The following IGSF3 variants were observed in gnomAD, a reference collection of about 807,000 sequenced individuals.
IGSF3 encodes the protein immunoglobulin superfamily member 3, also known as glu-Trp-Ile EWI motif-containing protein 3.
Under a neutral mutation model 114.4 loss-of-function variants are expected in IGSF3, and 23 were observed. That is an observed-to-expected ratio of 0.20 (90% confidence interval 0.14 to 0.28). The LOEUF is 0.28. Ranked by LOEUF, IGSF3 falls within the 10% of genes least tolerant of loss-of-function variation. The probability of loss-of-function intolerance (pLI) is 1.00; values close to 1 mark genes in which losing one functional copy is unlikely to be tolerated. For missense variants in IGSF3, 1,172 were observed against 1,591.5 expected (o/e 0.74, Z 4.48); for synonymous variants, 571 against 645.2 (o/e 0.88, Z 1.74).
In IGSF3 at chr1:116,579,913, G is replaced by C. The variant is rs779215267; in HGVS notation, c.2849-36C>G. ...ACAAGGGACAAACAGGGAAGGGGTT[G>C]TTTAAATTTATTTGCTCAAAATAAA... is the stretch of plus-strand genomic sequence containing the variant. On this transcript the variant is annotated intron_variant, in intron 9 of 10. Coordinates refer to ENST00000369486, the MANE Select transcript of IGSF3 (RefSeq NM_001007237.3). This position sits in a 1 kb window ranked among gnomAD's most constrained non-coding sequence, Gnocchi z 6.4. 2 of 1,538,526 alleles carry C rather than the reference G, an allele frequency of 1.3e-6. No individual in the cohort carries two copies. Among genetic ancestry groups the C allele is most frequent in the African/African-American group, 2.8e-5 (2 of 72,438 alleles).
rs1355614242 is a variant in IGSF3 at position 116,598,915 on chromosome 1, A to G, written c.2029+1026T>C. ...GCCTGATGAAGGCGAGAGTGTTTGC[A>G]GAAAGCCCCACTGACTAATGCTCCC... On this transcript the variant is annotated intron_variant, in intron 7 of 10. Coordinates refer to ENST00000369486, the MANE Select transcript of IGSF3 (RefSeq NM_001007237.3). The surrounding 1 kb of genome is among the most constrained non-coding windows in gnomAD (Gnocchi z 4.3). Among the ~76,000 whole-genome samples the G allele has an allele frequency of 6.6e-6, 1 of 152,210 alleles. No homozygotes were observed. Among genetic ancestry groups the G allele is most frequent in the African/African-American group, 2.4e-5 (1 of 41,448 alleles).
Position 116,616,499 on chromosome 1 carries a change from T to C in IGSF3, c.44-42A>G, listed in dbSNP as rs4044850. ...CACACACAACATGCTTACTTACTTC[T>C]CAGACCAAAATGCAAAGTAGCCAGC... is the stretch of plus-strand genomic sequence containing the variant. On this transcript the variant is annotated intron_variant, in intron 2 of 10. Coordinates refer to ENST00000369486, the MANE Select transcript of IGSF3 (RefSeq NM_001007237.3). The surrounding 1 kb of genome is among the most constrained non-coding windows in gnomAD (Gnocchi z 6.6). 6.5e-7 allele frequency: 1 copy of C among 1,540,400 alleles called. No individual in the cohort carries two copies. The highest frequency in any genetic ancestry group is 1.3e-5 in the South Asian group (1 of 79,772).
rs1260397150 is a variant in IGSF3, at chr1:116,581,826, C to T, written c.2849-1949G>A. Among the ~76,000 whole-genome samples, 4 of 152,312 alleles carry T rather than the reference C, an allele frequency of 2.6e-5. No homozygotes were observed. The East Asian group carries it at 7.7e-4, about 29-fold the overall frequency. ...AACTCACTCAACTCCTCAGTTGTAA[C>T]TCCAAGGCCATTAGAGAGCCCTACT... is the stretch of plus-strand genomic sequence containing the variant. On this transcript the variant is annotated intron_variant, in intron 9 of 10. Transcript: ENST00000369486.
rs543092042 is a variant in IGSF3 at position 116,651,469 on chromosome 1, A to G, written c.43+14815T>C. On this transcript the variant is annotated intron_variant, in intron 2 of 10. Coordinates refer to ENST00000369486, the MANE Select transcript of IGSF3 (RefSeq NM_001007237.3). This position sits in a 1 kb window ranked among gnomAD's most constrained non-coding sequence, Gnocchi z 4.4. ...GATATCCAGTCCCACAGTCTATATC[A>G]CAGATCACCAGTTTTAGCTGTTTGA... is the stretch of plus-strand genomic sequence containing the variant. Among the ~76,000 whole-genome samples the G allele has an allele frequency of 1.3e-5, 2 of 152,356 alleles. No homozygotes were observed. The highest frequency in any genetic ancestry group is 2.1e-4 in the South Asian group (1 of 4,828).
At chr1:116,666,995 G>C in intron 1 of IGSF3, 39 bp from the exon 2 acceptor site, 2 of 399,450 alleles carry the variant, frequency 5.0e-6, no homozygotes, top group Non-Finnish European at 8.8e-6. Context: ...CAAAGGCAAA[G>C]CTGCAAAACC....
chr1:116,581,879 T>G (rs1659616562), intron 9 of IGSF3, among the ~76,000 whole-genome samples: 1 of 152,160 alleles, frequency 6.6e-6, no homozygotes, highest in African/African-American at 2.4e-5. Flanking sequence ...CCCCACCCCA[T>G]GCTTTTCTCC....
intron 2 of IGSF3, among the ~76,000 whole-genome samples, chr1:116,659,179 T>A (rs1649007989): frequency 6.6e-6 from 1 of 152,118 alleles, no homozygotes; most frequent in South Asian, 2.1e-4. Flanking sequence ...GCGGAAGACA[T>A]ACAGACTGGG....
At position 116,594,702 on chromosome 1, in the gene IGSF3, C is replaced by T. The variant is rs1276996592; in HGVS notation, c.2029+5239G>A. ...CATATGCCCACCCTCACCCCATGCT[C>T]CCATGTACAAAAGGGACTTCTTGAT... On this transcript the variant is annotated intron_variant, in intron 7 of 10. Transcript: ENST00000369486. The surrounding 1 kb of genome is among the most constrained non-coding windows in gnomAD (Gnocchi z 5.2). 6.6e-6 allele frequency among the ~76,000 whole-genome samples: 1 copy of T among 152,132 alleles called. No homozygotes were observed. The highest frequency in any genetic ancestry group is 1.9e-4 in the East Asian group (1 of 5,186).
rs1377252317 is a variant in IGSF3, at chr1:116,577,358, C to A, written c.3539G>T (p.Cys1180Phe). Residue 1180 changes from cysteine (C) to phenylalanine (F), a missense_variant, in exon 11 of 11, where the codon TGC (cysteine) becomes TTC (phenylalanine). This residue lies in a region of IGSF3 where 423 missense variants were observed against 509.8 expected (regional missense o/e 0.83). Transcript: ENST00000369486. The surrounding 1 kb of genome is among the most constrained non-coding windows in gnomAD (Gnocchi z 5.7). Reference protein sequence around the residue: ...KEPHLNYSPTCLEPPVLSIHP... With the variant: ...KEPHLNYSPTFLEPPVLSIHP... ...GATACTGAGAACAGGGGGCTCCAGG[C>A]AAGTAGGGGAGTAGTTGAGGTGTGG... is the stretch of plus-strand genomic sequence containing the variant. 6 of 1,613,970 alleles carry A rather than the reference C, an allele frequency of 3.7e-6. No individual in the cohort carries two copies. The Admixed American group carries it at 5.0e-5, about 13-fold the overall frequency.
At chr1:116,611,772 C>T (rs185762350) in intron 4 of IGSF3, among the ~76,000 whole-genome samples, 218 of 152,128 alleles carry the variant, frequency 1.4e-3, no homozygotes, top group African/African-American at 5.1e-3. Flanking sequence ...TTCCTATTTC[C>T]GGTATTCCCA....
At chr1:116,604,640 A>G (rs1660723633) in intron 5 of IGSF3, among the ~76,000 whole-genome samples, 1 of 152,206 alleles carries the variant, frequency 6.6e-6, no homozygotes, top group Admixed American at 6.5e-5. Context: ...TCATTCTTTC[A>G]TTAACACACA....
At position 116,610,051 on chromosome 1, in the gene IGSF3, G is replaced by A. The variant is rs1490426769; in HGVS notation, c.833-1720C>T. Among the ~76,000 whole-genome samples, 2 of 152,154 alleles carry A rather than the reference G, an allele frequency of 1.3e-5. No individual in the cohort carries two copies. Among genetic ancestry groups the A allele is most frequent in the African/African-American group, 4.8e-5 (2 of 41,420 alleles). On this transcript the variant is annotated intron_variant, in intron 4 of 10. Transcript: ENST00000369486. The surrounding 1 kb of genome is among the most constrained non-coding windows in gnomAD (Gnocchi z 4.3). ...CTCCAATGAAGTAGCTGCTGTCACAGCTTCTAGCTCCCAAGAGACCAGTCT... is the reference window on the plus strand; with the variant it reads ...CTCCAATGAAGTAGCTGCTGTCACAACTTCTAGCTCCCAAGAGACCAGTCT...
In IGSF3 at chr1:116,577,758, C is replaced by T. The variant is rs550054968; in HGVS notation, c.3335-196G>A. On this transcript the variant is annotated intron_variant, in intron 10 of 10. Transcript: ENST00000369486. This position sits in a 1 kb window ranked among gnomAD's most constrained non-coding sequence, Gnocchi z 5.7. ...TTCTCGCAACACCTCTCCTAATTTA[C>T]GGCTGTATGTTCCAACAAAGCAATG... Among the ~76,000 whole-genome samples the T allele has an allele frequency of 8.5e-5, 13 of 152,268 alleles. No homozygotes were observed. The highest frequency in any genetic ancestry group is 5.8e-4 in the East Asian group (3 of 5,178).
rs1332939845 is a variant in IGSF3 at position 116,638,716 on chromosome 1, G to C, written c.44-22259C>G. Among the ~76,000 whole-genome samples, 3 of 152,190 alleles carry C rather than the reference G, an allele frequency of 2.0e-5. No individual in the cohort carries two copies. The highest frequency in any genetic ancestry group is 7.2e-5 in the African/African-American group (3 of 41,438). ...AAGAGGAAGAGAGAAAAAGAGAAAGGGAAGAAATGGGGAAAACAGCAATAG... is the reference window on the plus strand; with the variant it reads ...AAGAGGAAGAGAGAAAAAGAGAAAGCGAAGAAATGGGGAAAACAGCAATAG... On this transcript the variant is annotated intron_variant, in intron 2 of 10. Transcript: ENST00000369486. The surrounding 1 kb of genome is among the most constrained non-coding windows in gnomAD (Gnocchi z 4.1).
Position 116,638,375 on chromosome 1 carries a change from T to C in IGSF3, c.44-21918A>G, listed in dbSNP as rs1454516335. On this transcript the variant is annotated intron_variant, in intron 2 of 10. Transcript: ENST00000369486. This position sits in a 1 kb window ranked among gnomAD's most constrained non-coding sequence, Gnocchi z 4.1. ...CTACTCTTTTCCCTACTCTTGCCAG[T>C]CCACTCAGTAAACTACTGCCATACA... Among the ~76,000 whole-genome samples the C allele has an allele frequency of 6.6e-6, 1 of 152,234 alleles. No individual in the cohort carries two copies. The highest frequency in any genetic ancestry group is 6.5e-5 in the Admixed American group (1 of 15,280).
rs1427333591 is a variant in IGSF3, at chr1:116,636,843, A to T, written c.44-20386T>A. Among the ~76,000 whole-genome samples, 1 of 152,178 alleles carries T rather than the reference A, an allele frequency of 6.6e-6. No individual in the cohort carries two copies. Among genetic ancestry groups the T allele is most frequent in the Non-Finnish European group, 1.5e-5 (1 of 68,042 alleles). On this transcript the variant is annotated intron_variant, in intron 2 of 10. Transcript: ENST00000369486. The surrounding 1 kb of genome is among the most constrained non-coding windows in gnomAD (Gnocchi z 4.5). Reference sequence around the variant, plus strand: ...AGGAGTGTTTTTCTTCCTGGCTTTAAAACAAATTGTGACAAATGGCTCCAC... The same window carrying T: ...AGGAGTGTTTTTCTTCCTGGCTTTATAACAAATTGTGACAAATGGCTCCAC...
rs111815907 is a variant in IGSF3, at chr1:116,588,980, A to G, written c.2154T>C (p.Tyr718=). ...CATCGGCATCCGAGGGCTTGTGGAC[A>G]TACCAGAGCACCGCAAAGTGGGAGT... ...SQNSHFAVLW[Y]VHKPSDADGK... The change falls in exon 8 of 11, where the codon TAT becomes TAC. Residue 718 remains tyrosine, a synonymous_variant. Transcript: ENST00000369486. The surrounding 1 kb of genome is among the most constrained non-coding windows in gnomAD (Gnocchi z 4.9). The G allele has an allele frequency of 3.7e-6, 6 of 1,614,226 alleles. No homozygotes were observed. The highest frequency in any genetic ancestry group is 3.3e-5 in the Admixed American group (2 of 60,032).
Position 116,579,594 on chromosome 1 carries a change from T to C in IGSF3, c.3132A>G (p.Pro1044=). The change falls in exon 10 of 11, where the codon CCA becomes CCG. Residue 1044 remains proline (P), a synonymous_variant. Transcript: ENST00000369486. This position sits in a 1 kb window ranked among gnomAD's most constrained non-coding sequence, Gnocchi z 6.4. ...GCCTGCCCTCCCAAGGACTGCCCTC[T>C]GGGCCAAAGACAGCATCTGGGCCCA... ...LSVGPDAVFG[P]EGSPWEGRLR... 2 of 1,614,176 alleles carry C rather than the reference T, an allele frequency of 1.2e-6. No individual in the cohort carries two copies. The highest frequency in any genetic ancestry group is 1.7e-6 in the Non-Finnish European group (2 of 1,180,024).
chr1:116,641,952 GGTTT>G (rs927041183), intron 2 of IGSF3, among the ~76,000 whole-genome samples: 5 of 150,794 alleles, frequency 3.3e-5, no homozygotes, highest in African/African-American at 7.3e-5. Context: ...GAGTTTTTTT[GGTTT>G]GTTTGTTTGT....
Sources: gnomAD v4.1 joint callset for allele counts (sites outside exome capture counted in the v4.1 genomes callset) on GRCh38, gnomAD v4.1.1 for gene constraint, gnomAD v4.1.1 regional missense constraint, Gnocchi (gnomAD v3.1) non-coding constraint, MANE v1.5 for transcripts, NCBI Gene and HGNC (gene_info 2026-07-23, HGNC 2026-07-21) for gene names.